ATP5F1B: variants seen among roughly 807,000 people sequenced by gnomAD.
The protein encoded by ATP5F1B is ATP synthase F(1) complex subunit beta, mitochondrial.
Under a neutral mutation model 45.9 loss-of-function variants are expected in ATP5F1B, and 17 were observed. The ratio of observed to expected loss-of-function variants is 0.37; its 90% CI spans 0.25 to 0.56. The LOEUF (loss-of-function observed/expected upper bound fraction) is 0.56, where lower values mean the gene tolerates loss of function less well. Ranked by LOEUF, ATP5F1B falls within the 20% of genes least tolerant of loss-of-function variation. The pLI is 0.80. For synonymous variants in ATP5F1B, 218 were observed against 256.5 expected, an observed-to-expected ratio of 0.85 and a Z score of 1.43; for missense variants, 387 against 673.2, an observed-to-expected ratio of 0.57 and a Z score of 4.70.
Position 56,638,417 on chromosome 12 carries a change from T to C in ATP5F1B, c.1496A>G (p.Tyr499Cys). 6.2e-7 allele frequency: 1 copy of C among 1,609,140 alleles called. No individual in the cohort carries two copies. Among genetic ancestry groups the C allele is most frequent in the Non-Finnish European group, 8.5e-7 (1 of 1,177,112 alleles). The stretch of plus-strand genomic sequence containing the variant: ...GAAGGCCTGTTCTGGGAGATGGTCA[T>C]ATTCACCTGTATGATGGGGGAGAAA... ...KGFQQILAGE[Y>C]DHLPEQAFYM... The change falls in exon 10 of 10, where the codon TAT becomes TGT. Residue 499 changes from tyrosine (Y) to cysteine (C), a missense_variant. Physicochemically the swap from Tyr to Cys is radical, Grantham distance 194. This residue lies in a region of ATP5F1B where 36 missense variants were observed against 37.9 expected (regional missense o/e 0.95). Transcript: ENST00000262030.
At position 56,645,940 on chromosome 12, in the gene ATP5F1B, C is replaced by T; in HGVS notation, c.24G>A (p.Val8=). 1 of 1,605,272 alleles carries T rather than the reference C, an allele frequency of 6.2e-7. No homozygotes were observed. The highest frequency in any genetic ancestry group is 8.5e-7 in the Non-Finnish European group (1 of 1,176,668). The change falls in exon 1 of 10, where the codon GTG becomes GTA. Residue 8 remains valine, a synonymous_variant. Coordinates refer to ENST00000262030, the MANE Select transcript of ATP5F1B (RefSeq NM_001686.4). MLGFVGR[V]AAAPASGALR... ...AGGCCCCGGAGGCCGGAGCAGCGGC[C>T]ACCCGACCCACAAACCCCAACATGG...
intron 3 of ATP5F1B, 118 bp downstream of exon 3, chr12:56,644,663 T>C (rs965596829): frequency 5.3e-6 from 6 of 1,126,538 alleles, no homozygotes; most frequent in Non-Finnish European, 7.5e-6. Flanking sequence ...ACTGTGTGAT[T>C]TTAATAATCG....
Position 56,645,893 on chromosome 12 carries a change from G to A in ATP5F1B, c.71C>T (p.Ala24Val), listed in dbSNP as rs746819199. The A allele has an allele frequency of 3.1e-6, 5 of 1,608,064 alleles. No homozygotes were observed. The highest frequency in any genetic ancestry group is 1.7e-5 in the Admixed American group (1 of 59,092). The change falls in exon 1 of 10, where the codon GCG (alanine) becomes GTG (valine). Residue 24 changes from alanine (A) to valine (V), a missense_variant. Physicochemically the swap from Ala to Val is moderately conservative, Grantham distance 64. Around this residue, in one of 6 missense-constraint regions of ATP5F1B, gnomAD observed 76 missense variants for 62.0 expected, o/e 1.23. Transcript: ENST00000262030. ...TAAGAGCTGAGCTGGGGGCAGCGAC[G>A]CTGAAGGGGTGAGTCTCCGCAAGGC... ...SGALRRLTPS[A>V]SLPPAQLLLR... is the part of the protein sequence containing the mutation.
At chr12:56,644,630 C>A in intron 3 of ATP5F1B, 151 bp downstream of exon 3, 1 of 835,412 alleles carries the variant, frequency 1.2e-6, no homozygotes, top group Non-Finnish European at 1.7e-6. Context: ...ATTCTGCATC[C>A]TAATTTCTTC....
At chr12:56,644,513 A>C (rs1951536370) in intron 3 of ATP5F1B, among the ~76,000 whole-genome samples, 1 of 152,098 alleles carries the variant, frequency 6.6e-6, no homozygotes, top group African/African-American at 2.4e-5. Flanking sequence ...CAGGAGGCTG[A>C]GACAGGAGAA....
At chr12:56,642,957 GT>G in intron 5 of ATP5F1B, 126 bp from the exon 6 acceptor site, 1 of 1,067,644 alleles carries the variant, frequency 9.4e-7, no homozygotes, top group Non-Finnish European at 1.3e-6. Flanking sequence ...TTGTGTGCAA[GT>G]TTCTTTTCCC....
At chr12:56,641,490 T>G (rs1951511656) in intron 7 of ATP5F1B, among the ~76,000 whole-genome samples, 1 of 152,190 alleles carries the variant, frequency 6.6e-6, no homozygotes, top group African/African-American at 2.4e-5. Flanking sequence ...TTATGTAATT[T>G]TACTATATAT....
chr12:56,644,056 T>TA, intron 3 of ATP5F1B, 98 bp from the exon 4 acceptor site: 2 of 1,403,936 alleles, frequency 1.4e-6, no homozygotes, highest in South Asian at 2.8e-5. Flanking sequence ...TCCATCCCTT[T>TA]ACCTGAGGAA....
chr12:56,639,065 A>C (rs1211224503), intron 9 of ATP5F1B, 41 bp downstream of exon 9: 1 of 1,588,006 alleles, frequency 6.3e-7, no homozygotes. Flanking sequence ...GAATGGGACC[A>C]CAGCACAGTA....
Position 56,639,233 on chromosome 12 carries a change from C to G in ATP5F1B, c.1362G>C (p.Val454=). The G allele has an allele frequency of 6.2e-7, 1 of 1,614,014 alleles. No homozygotes were observed. Among genetic ancestry groups the G allele is most frequent in the South Asian group, 1.1e-5 (1 of 91,082 alleles). Residue 454 remains valine (V), a synonymous_variant, in exon 9 of 10, where the codon GTG becomes GTC. Coordinates refer to ENST00000262030, the MANE Select transcript of ATP5F1B (RefSeq NM_001686.4). The part of the protein sequence containing the change: ...DELSEEDKLT[V]SRARKIQRFL... ...AACGCTGTATTTTCCGTGCACGGGACACGGTCAACTTGTCTTCCTCAGAAA... is the reference window on the plus strand; with the variant it reads ...AACGCTGTATTTTCCGTGCACGGGAGACGGTCAACTTGTCTTCCTCAGAAA...
At position 56,643,428 on chromosome 12, in the gene ATP5F1B, A is replaced by G; in HGVS notation, c.767T>C (p.Ile256Thr). ...CTTAGAGGTGGCATCTTTTAAGTTG[A>G]TAACACCAGATTCAATCATTTCATG... Reference protein sequence around the residue: ...LYHEMIESGVINLKDATSKVA... With the variant: ...LYHEMIESGVTNLKDATSKVA... The change falls in exon 5 of 10, where the codon ATC becomes ACC. Residue 256 changes from isoleucine to threonine, a missense_variant. By Grantham distance (89) the Ile-to-Thr change is moderately conservative (BLOSUM62 -1). Around this residue, in one of 6 missense-constraint regions of ATP5F1B, gnomAD observed 154 missense variants for 361.4 expected, o/e 0.43. Transcript: ENST00000262030. The G allele has an allele frequency of 1.2e-6, 2 of 1,614,224 alleles. No homozygotes were observed. Among genetic ancestry groups the G allele is most frequent in the African/African-American group, 1.3e-5 (1 of 75,066 alleles).
intron 2 of ATP5F1B, 65 bp from the exon 3 acceptor site, chr12:56,645,020 C>A: frequency 6.2e-7 from 1 of 1,611,018 alleles, no homozygotes; most frequent in South Asian, 1.1e-5. Context: ...CTAAATCGAC[C>A]AAGACTCCTT....
chr12:56,638,489 T>A, intron 9 of ATP5F1B, 66 bp from the exon 10 acceptor site: 1 of 1,242,710 alleles, frequency 8.0e-7, no homozygotes. Context: ...CTGCATCATG[T>A]AACATTCCTC....
chr12:56,644,308 T>C (rs891467653), intron 3 of ATP5F1B, among the ~76,000 whole-genome samples: 2 of 146,514 alleles, frequency 1.4e-5, no homozygotes, highest in African/African-American at 5.0e-5. Flanking sequence ...TAAGACCGAG[T>C]CTTAAAAATA....
intron 9 of ATP5F1B, 55 bp from the exon 10 acceptor site, chr12:56,638,478 T>C: frequency 7.4e-7 from 1 of 1,351,362 alleles, no homozygotes; most frequent in Admixed American, 1.8e-5. Context: ...ATATCAACTT[T>C]CTGCATCATG....
chr12:56,642,297 A>G (rs1215576173), intron 7 of ATP5F1B, among the ~76,000 whole-genome samples, 161 bp downstream of exon 7: 3 of 151,406 alleles, frequency 2.0e-5, no homozygotes, highest in African/African-American at 7.3e-5. Context: ...CGCCTGGCCC[A>G]GTCAGTTTTA....
rs757481056 is a variant in ATP5F1B at position 56,638,360 on chromosome 12, G to C, written c.1553C>G (p.Ala518Gly). The C allele has an allele frequency of 6.2e-7, 1 of 1,613,934 alleles. No individual in the cohort carries two copies. The highest frequency in any genetic ancestry group is 2.2e-5 in the East Asian group (1 of 44,886). Residue 518 changes from alanine to glycine, a missense_variant, in exon 10 of 10, where the codon GCA becomes GGA. Physicochemically the swap from Ala to Gly is moderately conservative, Grantham distance 60. Coordinates refer to ENST00000262030, the MANE Select transcript of ATP5F1B (RefSeq NM_001686.4). Reference protein sequence around the residue: ...YMVGPIEEAVAKADKLAEEHS... With the variant: ...YMVGPIEEAVGKADKLAEEHS... ...CTCTTCAGCCAGCTTATCAGCTTTT[G>C]CCACAGCTTCTTCAATGGGTCCCAC...
At chr12:56,642,925 T>C in intron 5 of ATP5F1B, 94 bp from the exon 6 acceptor site, 2 of 1,403,236 alleles carry the variant, frequency 1.4e-6, no homozygotes, top group South Asian at 2.6e-5. Context: ...CACAGATCCT[T>C]TCTCAGAAGG....
At chr12:56,641,081 G>A (rs1951508646) in intron 7 of ATP5F1B, among the ~76,000 whole-genome samples, 1 of 151,360 alleles carries the variant, frequency 6.6e-6, no homozygotes, top group Admixed American at 6.6e-5. Flanking sequence ...AAATAAAAAA[G>A]AGGCTGGGCA....
Sources: allele counts gnomAD v4.1 joint callset (sites outside exome capture counted in the v4.1 genomes callset), GRCh38; gene constraint gnomAD v4.1.1; regional missense constraint gnomAD v4.1.1; transcripts MANE v1.5; gene names NCBI Gene and HGNC (gene_info 2026-07-23, HGNC 2026-07-21).